RPS6KB1: variants seen among roughly 807,000 people sequenced by gnomAD.
RPS6KB1 encodes the protein ribosomal protein S6 kinase beta-1.
A neutral mutation model predicts 70.2 loss-of-function variants in RPS6KB1; 12 were observed. That is an observed-to-expected ratio of 0.17 (90% confidence interval 0.11 to 0.28). RPS6KB1 has a LOEUF of 0.28. Ranked by LOEUF, RPS6KB1 falls within the 10% of genes least tolerant of loss-of-function variation. The pLI, the probability that RPS6KB1 is intolerant of heterozygous loss-of-function variation, is 1.00. For missense variants in RPS6KB1, 270 were observed against 646.6 expected, an observed-to-expected ratio of 0.42 and a Z score of 6.32; for synonymous variants, 175 against 211.2, an observed-to-expected ratio of 0.83 and a Z score of 1.49.
chr17:59,914,817 TA>T lies in RPS6KB1; in HGVS notation c.381+118del, dbSNP rs1255538720. ...TTTTAATTGTTGTAACATTTTGGCC[TA>T]AAATTTGCAGTCAAAAAAATGTATC... On this transcript the variant is annotated intron_variant, in intron 4 of 14. Coordinates refer to ENST00000225577, the MANE Select transcript of RPS6KB1 (RefSeq NM_003161.4). 3 of 873,884 alleles carry T rather than the reference TA, an allele frequency of 3.4e-6. No individual in the cohort carries two copies. The East Asian group carries it at 7.7e-5, about 22-fold the overall frequency. 54.1% of individuals were successfully genotyped at this position (873,884 alleles called of 1,614,324 possible).
At chr17:59,937,019 C>T (rs1172965631) in intron 12 of RPS6KB1, among the ~76,000 whole-genome samples, 1 of 152,080 alleles carries the variant, frequency 6.6e-6, no homozygotes, top group African/African-American at 2.4e-5. Flanking sequence ...GTCACCATGC[C>T]TAGCTAATTT....
chr17:59,916,808 T>A (rs1323396262), intron 4 of RPS6KB1, among the ~76,000 whole-genome samples: 1 of 152,202 alleles, frequency 6.6e-6, no homozygotes, highest in Non-Finnish European at 1.5e-5. Flanking sequence ...GACACTATAC[T>A]AGTGGCTCCC....
At chr17:59,911,537 G>GGTTTTT (rs2042635256) in intron 2 of RPS6KB1, among the ~76,000 whole-genome samples, 1 of 101,532 alleles carries the variant, frequency 9.8e-6, no homozygotes, top group Non-Finnish European at 1.9e-5. Flanking sequence ...ATTTTTGTTG[G>GGTTTTT]GTTTTTTTTT....
chr17:59,912,403 C>T (rs1341234088), intron 2 of RPS6KB1: 3 of 287,392 alleles, frequency 1.0e-5, no homozygotes, highest in Admixed American at 4.5e-5. Context: ...AGGCATCTAC[C>T]CAATGAAAAA....
Position 59,893,144 on chromosome 17 carries a change from A to T in RPS6KB1, c.-41A>T. Reference sequence around the variant, plus strand: ...ACGCACTGAGCCTAAGCAGCCGGTGATGGCGGCAGCGGCTGTGGTGGCTGC... The same window carrying T: ...ACGCACTGAGCCTAAGCAGCCGGTGTTGGCGGCAGCGGCTGTGGTGGCTGC... On this transcript the variant is annotated 5_prime_UTR_variant, in exon 1 of 15. An upstream start codon of the reference 5' UTR is lost. Transcript: ENST00000225577. This position sits in a 1 kb window ranked among gnomAD's most constrained non-coding sequence, Gnocchi z 4.1. The T allele has an allele frequency of 6.3e-7, 1 of 1,597,794 alleles. No individual in the cohort carries two copies. Among genetic ancestry groups the T allele is most frequent in the Non-Finnish European group, 8.5e-7 (1 of 1,173,026 alleles).
At position 59,936,544 on chromosome 17, in the gene RPS6KB1, A is replaced by G. The variant is rs541658264; in HGVS notation, c.1119+3A>G. The G allele has an allele frequency of 1.2e-6, 2 of 1,611,466 alleles. No individual in the cohort carries two copies. The highest frequency in any genetic ancestry group is 1.7e-6 in the Non-Finnish European group (2 of 1,177,740). ...AGCCCCCCTTTAAACCTCTGTTGGT[A>G]AGTATACATGAAAGTGTATAATTGG... On this transcript the variant is annotated splice_donor_region_variant and intron_variant, in intron 12 of 14. Transcript: ENST00000225577.
At chr17:59,915,784 T>TATTTATTTA (rs34124078) in intron 4 of RPS6KB1, among the ~76,000 whole-genome samples, 3 of 131,260 alleles carry the variant, frequency 2.3e-5, no homozygotes, top group Non-Finnish European at 4.7e-5. Flanking sequence ...TCTTTTTTTT[T>TATTTATTTA]TTTTTTTTTT....
chr17:59,931,512 A>G, intron 6 of RPS6KB1, 110 bp from the exon 7 acceptor site: 1 of 759,660 alleles, frequency 1.3e-6, no homozygotes, highest in Non-Finnish European at 2.3e-6. Context: ...TACCCCACTA[A>G]TTTGGTCTTT....
In RPS6KB1 at chr17:59,914,628, A is replaced by C. The variant is rs1190740684; in HGVS notation, c.313-7A>C. On this transcript the variant is annotated splice_region_variant and splice_polypyrimidine_tract_variant and intron_variant, in intron 3 of 14. Transcript: ENST00000225577. Reference sequence around the variant, plus strand: ...CTTTGAATAACACACACTTTTTTTTAATCCAGGTTTTTCAAGTACGAAAAG... The same window carrying C: ...CTTTGAATAACACACACTTTTTTTTCATCCAGGTTTTTCAAGTACGAAAAG... 1.2e-6 allele frequency: 2 copies of C among 1,609,368 alleles called. No individual in the cohort carries two copies. Among genetic ancestry groups the C allele is most frequent in the Non-Finnish European group, 1.7e-6 (2 of 1,177,428 alleles).
At chr17:59,912,923 C>A in intron 3 of RPS6KB1, 119 bp downstream of exon 3, 3 of 1,066,362 alleles carry the variant, frequency 2.8e-6, no homozygotes, top group Non-Finnish European at 4.1e-6. Context: ...GTGATCATGA[C>A]CACTTAGCTG....
intron 4 of RPS6KB1, among the ~76,000 whole-genome samples, chr17:59,920,200 T>A (rs2043189289): frequency 6.6e-6 from 1 of 152,086 alleles, no homozygotes; most frequent in Admixed American, 6.6e-5. Flanking sequence ...GTATTTTTAG[T>A]AGAGACAGGG....
At chr17:59,931,481 T>A (rs1330470671) in intron 6 of RPS6KB1, 141 bp from the exon 7 acceptor site, 1 of 640,040 alleles carries the variant, frequency 1.6e-6, no homozygotes, top group African/African-American at 1.9e-5. Context: ...CTATGCCATC[T>A]CTTTTTCCAA....
chr17:59,920,293 C>T (rs902881123), intron 4 of RPS6KB1, among the ~76,000 whole-genome samples: 21 of 152,126 alleles, frequency 1.4e-4, no homozygotes, highest in African/African-American at 4.8e-4. Context: ...GCTAGGATTA[C>T]AGGCATGAGT....
intron 5 of RPS6KB1, among the ~76,000 whole-genome samples, chr17:59,927,242 C>A (rs1312019163): frequency 2.0e-5 from 3 of 151,982 alleles, no homozygotes; most frequent in Non-Finnish European, 4.4e-5. Context: ...TGCCACCACG[C>A]CTGGCTAATT....
intron 1 of RPS6KB1, among the ~76,000 whole-genome samples, chr17:59,904,761 A>G (rs1598663447): frequency 7.1e-6 from 1 of 141,460 alleles, no homozygotes; most frequent in East Asian, 2.1e-4. Flanking sequence ...CAGTGGCGCG[A>G]TCTCAGCTCA....
At chr17:59,918,215 A>T (rs1318176958) in intron 4 of RPS6KB1, among the ~76,000 whole-genome samples, 1 of 151,236 alleles carries the variant, frequency 6.6e-6, no homozygotes, top group Admixed American at 6.6e-5. Context: ...TACAGGCGTA[A>T]GCCACTGTGC....
rs1282652236 is a variant in RPS6KB1 at position 59,904,300 on chromosome 17, C to T, written c.142-6262C>T. Reference sequence around the variant, plus strand: ...TTCACCACGTTGGTCAGGCTGGTCTCGAACTCCTGACCTCATGATCCGCCC... The same window carrying T: ...TTCACCACGTTGGTCAGGCTGGTCTTGAACTCCTGACCTCATGATCCGCCC... On this transcript the variant is annotated intron_variant, in intron 1 of 14. Coordinates refer to ENST00000225577, the MANE Select transcript of RPS6KB1 (RefSeq NM_003161.4). Among the ~76,000 whole-genome samples, 6 of 149,570 alleles carry T rather than the reference C, an allele frequency of 4.0e-5. No homozygotes were observed. The South Asian group carries it at 6.3e-4, about 16-fold the overall frequency.
chr17:59,918,356 A>AT (rs147240052), intron 4 of RPS6KB1, among the ~76,000 whole-genome samples: 16 of 150,078 alleles, frequency 1.1e-4, no homozygotes, highest in East Asian at 3.9e-4. Flanking sequence ...TGAGAGTTTT[A>AT]TTTTTTTTTA....
chr17:59,910,789 T>C (rs1026160652), intron 2 of RPS6KB1, among the ~76,000 whole-genome samples, 178 bp downstream of exon 2: 1 of 152,180 alleles, frequency 6.6e-6, no homozygotes, highest in African/African-American at 2.4e-5. Flanking sequence ...TATCAGAGTT[T>C]TGAGATTATG....
Sources: gnomAD v4.1 joint callset for allele counts (sites outside exome capture counted in the v4.1 genomes callset) on GRCh38, gnomAD v4.1.1 for gene constraint, Gnocchi (gnomAD v3.1) non-coding constraint, MANE v1.5 for transcripts, NCBI Gene and HGNC (gene_info 2026-07-23, HGNC 2026-07-21) for gene names.